Variants in BBS9 observed in about 807,000 individuals in gnomAD.
The protein encoded by BBS9 is Bardet-Biedl syndrome 9.
A neutral mutation model predicts 117.7 loss-of-function variants in BBS9; 89 were observed. The ratio of observed to expected loss-of-function variants is 0.76; its 90% CI spans 0.64 to 0.90. The LOEUF is 0.90. Among genes scored for constraint, BBS9 ranks in the 40% least tolerant of loss-of-function variants. The pLI, the probability that BBS9 is intolerant of heterozygous loss-of-function variation, is 0.00. For synonymous variants in BBS9, 379 were observed against 370.9 expected (o/e 1.02, Z -0.25); for missense variants, 982 against 1,042.2 (o/e 0.94, Z 0.80).
chr7:33,152,860 G>T lies in BBS9; in HGVS notation c.263+9G>T. On this transcript the variant is annotated intron_variant, in intron 3 of 22. Transcript: ENST00000242067. The stretch of plus-strand genomic sequence containing the variant: ...GTAGGAAAGTTTGTTTCGTAAGTAA[G>T]CCCACTAATTCTGGTATTTTACTTG... 6.2e-7 allele frequency: 1 copy of T among 1,613,702 alleles called. No homozygotes were observed. Among genetic ancestry groups the T allele is most frequent in the South Asian group, 1.1e-5 (1 of 91,068 alleles).
At chr7:33,415,626 A>T (rs921820744) in intron 19 of BBS9, among the ~76,000 whole-genome samples, 8 of 152,156 alleles carry the variant, frequency 5.3e-5, no homozygotes, top group Non-Finnish European at 1.0e-4. Flanking sequence ...TTTCCAGTTT[A>T]GAAGGGGCTT....
At chr7:33,449,829 C>A (rs1012367278) in intron 19 of BBS9, among the ~76,000 whole-genome samples, 9 of 152,070 alleles carry the variant, frequency 5.9e-5, no homozygotes, top group Admixed American at 5.2e-4. Flanking sequence ...TCCATCCCGC[C>A]CTCCCTTTTT....
chr7:33,311,494 C>T (rs1031340231), intron 9 of BBS9, among the ~76,000 whole-genome samples: 1 of 152,174 alleles, frequency 6.6e-6, no homozygotes, highest in Admixed American at 6.5e-5. Context: ...TGACTTATCT[C>T]TCACTCTGTA....
intron 20 of BBS9, among the ~76,000 whole-genome samples, chr7:33,510,112 C>T (rs116947758): frequency 0.014 from 2,091 of 152,180 alleles, 27 homozygotes; most frequent in Middle Eastern, 0.099. Flanking sequence ...CACTTGGTTC[C>T]GTTTGATAAC....
chr7:33,506,654 G>A (rs1846193070), intron 20 of BBS9, among the ~76,000 whole-genome samples: 1 of 152,054 alleles, frequency 6.6e-6, no homozygotes, highest in African/African-American at 2.4e-5. Flanking sequence ...ATGTAATTTT[G>A]AAAACCACAG....
At chr7:33,351,778 C>G (rs1818696119) in intron 14 of BBS9, 1 of 258,088 alleles carries the variant, frequency 3.9e-6, no homozygotes, top group Non-Finnish European at 7.6e-6. Flanking sequence ...CCAGGGCTCC[C>G]ACACCTGAGC....
Position 33,622,052 on chromosome 7 carries a change from A to G in BBS9, c.2522-13125A>G, listed in dbSNP as rs536240677. The stretch of plus-strand genomic sequence containing the variant: ...TAGTGAAACACCATCTCTACTAAAA[A>G]TACAAAATTTAGCTGAGTGTGGTGG... On this transcript the variant is annotated intron_variant, in intron 21 of 21. Transcript: ENST00000671952. Among the ~76,000 whole-genome samples the G allele has an allele frequency of 3.3e-5, 5 of 152,238 alleles. No individual in the cohort carries two copies. In the East Asian group the frequency reaches 9.7e-4, roughly 29 times the overall value.
intron 5 of BBS9, among the ~76,000 whole-genome samples, chr7:33,236,512 C>T (rs1793538216): frequency 6.6e-6 from 1 of 151,432 alleles, no homozygotes; most frequent in Non-Finnish European, 1.5e-5. Flanking sequence ...AGCTTTTCCC[C>T]TTACAATATA....
chr7:33,418,329 G>A (rs546159978), intron 19 of BBS9, among the ~76,000 whole-genome samples: 37 of 152,268 alleles, frequency 2.4e-4, no homozygotes, highest in Middle Eastern at 3.4e-3. Flanking sequence ...TCTGGTCAGC[G>A]GAAGATTGAT....
intron 20 of BBS9, among the ~76,000 whole-genome samples, chr7:33,515,383 A>T (rs1040167454): frequency 1.3e-5 from 2 of 152,152 alleles, no homozygotes; most frequent in Non-Finnish European, 2.9e-5. Flanking sequence ...TCCATGTAGC[A>T]TTGTCCCTCC....
intron 5 of BBS9, among the ~76,000 whole-genome samples, chr7:33,201,954 C>T (rs1785945572): frequency 6.6e-6 from 1 of 152,112 alleles, no homozygotes; most frequent in Admixed American, 6.6e-5. Flanking sequence ...ATTACAGAAG[C>T]TCGGCTGTAA....
chr7:33,389,555 G>A (rs1465986390), intron 19 of BBS9, among the ~76,000 whole-genome samples: 3 of 151,928 alleles, frequency 2.0e-5, no homozygotes, highest in African/African-American at 7.3e-5. Context: ...CGGGCATGGT[G>A]GCAGGCACCC....
downstream of BBS9, among the ~76,000 whole-genome samples, chr7:33,608,348 G>A (rs772209910): frequency 6.6e-5 from 10 of 152,074 alleles, no homozygotes; most frequent in South Asian, 2.1e-4. Flanking sequence ...TGCAATGAAC[G>A]TATAAGTACC....
At chr7:33,405,502 A>C (rs1229756241) in intron 19 of BBS9, among the ~76,000 whole-genome samples, 1 of 152,088 alleles carries the variant, frequency 6.6e-6, no homozygotes, top group South Asian at 2.1e-4. Flanking sequence ...TAAGCTATTG[A>C]TTATTGCCAC....
intron 4 of BBS9, among the ~76,000 whole-genome samples, chr7:33,171,093 G>GA (rs1562727065): frequency 6.6e-6 from 1 of 151,716 alleles, no homozygotes; most frequent in Non-Finnish European, 1.5e-5. Flanking sequence ...CACAGAACTG[G>GA]AAAAAACTAC....
intron 21 of BBS9, among the ~76,000 whole-genome samples, chr7:33,537,813 A>T (rs1331981330): frequency 1.3e-5 from 2 of 152,232 alleles, no homozygotes; most frequent in Admixed American, 1.3e-4. Context: ...CAAAGATTTG[A>T]ACCTCTCAAG....
At chr7:33,438,274 G>A (rs1835617073) in intron 19 of BBS9, among the ~76,000 whole-genome samples, 1 of 152,118 alleles carries the variant, frequency 6.6e-6, no homozygotes, top group African/African-American at 2.4e-5. Flanking sequence ...TCAGGGTAGG[G>A]AAGGACTTCC....
chr7:33,402,780 A>G (rs73103508), intron 19 of BBS9, among the ~76,000 whole-genome samples: 14,880 of 152,174 alleles, frequency 0.098, 1,013 homozygotes, highest in Non-Finnish European at 0.15. Flanking sequence ...TGGAGTATGA[A>G]TGAACCTGTC....
At chr7:33,287,882 T>C (rs1220603578) in intron 9 of BBS9, among the ~76,000 whole-genome samples, 1 of 152,100 alleles carries the variant, frequency 6.6e-6, no homozygotes, top group Admixed American at 6.6e-5. Context: ...TTAGGGTGGG[T>C]CCTCACTTAA....
Sources: allele counts gnomAD v4.1 joint callset (sites outside exome capture counted in the v4.1 genomes callset), GRCh38; gene constraint gnomAD v4.1.1; transcripts MANE v1.5; gene names NCBI Gene and HGNC (gene_info 2026-07-23, HGNC 2026-07-21).